The following DPP6 variants were observed in gnomAD, a reference collection of about 807,000 sequenced individuals.
The protein encoded by DPP6 is dipeptidyl peptidase like 6, also known as A-type potassium channel modulatory protein DPP6.
DPP6 carries 69 observed loss-of-function variants against 122.6 expected under a neutral mutation model. The observed-to-expected ratio is 0.56, with a 90% confidence interval of 0.46 to 0.69. The LOEUF is 0.69. DPP6 is among the 30% of genes least tolerant of loss of function. The pLI, the probability that DPP6 is intolerant of heterozygous loss-of-function variation, is 0.00. For synonymous variants in DPP6, 418 were observed against 433.1 expected, an observed-to-expected ratio of 0.97 and a Z score of 0.43; for missense variants, 928 against 1,116.9, an observed-to-expected ratio of 0.83 and a Z score of 2.41.
rs188120646 is a variant in DPP6, at chr7:154,289,146, G to A, written c.244-157068G>A. 4.1e-4 allele frequency among the ~76,000 whole-genome samples: 63 copies of A among 152,330 alleles called. No individual in the cohort carries two copies. In the East Asian group the frequency reaches 0.012, roughly 28 times the overall value. On this transcript the variant is annotated intron_variant, in intron 1 of 25. Transcript: ENST00000377770. ...ACCATGAGAGAAGGGGGATGCTGGT[G>A]AAGGTAAAATGTTAGTGGAGAGGTA...
rs1168309332 is a variant in DPP6 at position 154,821,474 on chromosome 7, C to G, written c.1666+14362C>G. Among the ~76,000 whole-genome samples, 2 of 151,856 alleles carry G rather than the reference C, an allele frequency of 1.3e-5. No homozygotes were observed. The highest frequency in any genetic ancestry group is 2.4e-5 in the African/African-American group (1 of 41,326). The stretch of plus-strand genomic sequence containing the variant: ...GTAGGAAAATTAAAGTACTCTTAGC[C>G]TAGCATTCAAGGCTGCATACAATCT... On this transcript the variant is annotated intron_variant, in intron 16 of 25. Coordinates refer to ENST00000377770, the MANE Select transcript of DPP6 (RefSeq NM_130797.4). This position sits in a 1 kb window ranked among gnomAD's most constrained non-coding sequence, Gnocchi z 4.2.
At chr7:154,505,032 A>C (rs761419018) in intron 3 of DPP6, among the ~76,000 whole-genome samples, 40 of 152,142 alleles carry the variant, frequency 2.6e-4, no homozygotes, top group Non-Finnish European at 5.1e-4. Flanking sequence ...GAACTAGGAG[A>C]CTGTCTCTTG....
rs371560022 is a variant in DPP6 at position 154,189,117 on chromosome 7, T to G, written c.243+136054T>G. ...CCTGAAACCATTTTCTGCAGGTTGT[T>G]AGGAAGTAGGGAAGGCTATTTTAAA... On this transcript the variant is annotated intron_variant, in intron 1 of 25. Coordinates refer to ENST00000377770, the MANE Select transcript of DPP6 (RefSeq NM_130797.4). Among the ~76,000 whole-genome samples the G allele has an allele frequency of 1.6e-4, 25 of 152,294 alleles. No individual in the cohort carries two copies. In the East Asian group the frequency reaches 4.3e-3, roughly 26 times the overall value.
intron 1 of DPP6, chr7:154,305,335 T>TTGGGG: frequency 6.4e-5 from 66 of 1,024,348 alleles, no homozygotes; most frequent in South Asian, 9.1e-5. Context: ...TCGTCTTGTC[T>TTGGGG]ACCCACCCTC....
intron 5 of DPP6, among the ~76,000 whole-genome samples, chr7:154,578,227 A>G (rs1831811194): frequency 6.6e-6 from 1 of 152,228 alleles, no homozygotes; most frequent in Admixed American, 6.5e-5. Context: ...TGTCATTGTC[A>G]AAAGTTTATG....
At chr7:153,972,273 G>A (rs1796060003) in intron 1 of DPP6, among the ~76,000 whole-genome samples, 1 of 150,312 alleles carries the variant, frequency 6.7e-6, no homozygotes, top group African/African-American at 2.4e-5. Context: ...TTCTGGGGTT[G>A]ATGTTTCTCC....
intron 18 of DPP6, 135 bp from the exon 19 acceptor site, chr7:154,872,489 G>C (rs1189290688): frequency 7.3e-7 from 1 of 1,375,616 alleles, no homozygotes; most frequent in Non-Finnish European, 9.7e-7. Flanking sequence ...GAAAACCCTG[G>C]GCCAGTCTCT....
the DPP6 span, among the ~76,000 whole-genome samples, chr7:153,756,326 T>C: frequency 4.6e-5 from 7 of 151,430 alleles, 1 homozygote; most frequent in African/African-American, 7.3e-5. Flanking sequence ...AGAGGTAATT[T>C]CATTTAGTCC....
At chr7:154,318,677 G>A (rs1040531113) in intron 1 of DPP6, among the ~76,000 whole-genome samples, 2 of 152,246 alleles carry the variant, frequency 1.3e-5, no homozygotes, top group African/African-American at 4.8e-5. Context: ...AGTTTGGAAT[G>A]CAGAGCTGGG....
chr7:154,758,768 G>A (rs1415941838), intron 8 of DPP6, among the ~76,000 whole-genome samples: 2 of 152,150 alleles, frequency 1.3e-5, no homozygotes, highest in African/African-American at 2.4e-5. Flanking sequence ...GTTTTGTTTT[G>A]TTTGTAAGAA....
rs1437893808 is a variant in DPP6, at chr7:154,060,407, A to AG, written c.243+7345dup. ...CACTGGCTCTTAGGACCCCCATCGC[A>AG]GAGGGGGGAGGCACCCCCCGCGAGG... On this transcript the variant is annotated intron_variant, in intron 1 of 25. Transcript: ENST00000377770. Among the ~76,000 whole-genome samples, 139 of 112,198 alleles carry AG rather than the reference A, an allele frequency of 1.2e-3. 11 individuals are homozygous for AG. The highest frequency in any genetic ancestry group is 4.8e-3 in the African/African-American group (128 of 26,456). The allele number at this position is 112,198 out of a possible 152,430, so 73.6% of individuals were successfully genotyped here.
In DPP6 at chr7:154,524,715, T is replaced by G. The variant is rs1429838499; in HGVS notation, c.458-15817T>G. Among the ~76,000 whole-genome samples the G allele has an allele frequency of 5.5e-4, 84 of 152,110 alleles. 1 individual carries two copies. The highest frequency in any genetic ancestry group is 5.5e-3 in the Admixed American group (84 of 15,272). On this transcript the variant is annotated intron_variant, in intron 3 of 25. Coordinates refer to ENST00000377770, the MANE Select transcript of DPP6 (RefSeq NM_130797.4). ...CCAGCCCGCTTCTACTTACTGATAT[T>G]CCATTGCCCAATTCTAGTCCTGTGT... is the stretch of plus-strand genomic sequence containing the variant.
intron 8 of DPP6, among the ~76,000 whole-genome samples, chr7:154,749,893 A>C (rs1370595383): frequency 7.7e-6 from 1 of 129,904 alleles, no homozygotes; most frequent in Non-Finnish European, 1.6e-5. Context: ...GAGAGAGCAT[A>C]GGATGGGAAA....
At chr7:154,608,127 G>A (rs1215971894) in intron 5 of DPP6, among the ~76,000 whole-genome samples, 1 of 149,002 alleles carries the variant, frequency 6.7e-6, no homozygotes, top group Non-Finnish European at 1.5e-5. Flanking sequence ...TTACAGGCAT[G>A]TGCCACCACA....
chr7:153,791,425 T>TTTTTTTTC, the DPP6 span, among the ~76,000 whole-genome samples: 1 of 13,104 alleles, frequency 7.6e-5, no homozygotes, highest in South Asian at 2.1e-3. Context: ...CCTTCCTTTC[T>TTTTTTTTC]TTTTTTTTTT....
At chr7:154,808,985 G>A (rs1587209641) in intron 16 of DPP6, among the ~76,000 whole-genome samples, 1 of 152,304 alleles carries the variant, frequency 6.6e-6, no homozygotes, top group South Asian at 2.1e-4. Context: ...TGCCAGAGGG[G>A]CTTGGTCTGG....
At chr7:153,838,190 G>A in the DPP6 span, among the ~76,000 whole-genome samples, 1 of 152,106 alleles carries the variant, frequency 6.6e-6, no homozygotes, top group Non-Finnish European at 1.5e-5. Context: ...ACCAGAACCA[G>A]GAATCCCATG....
chr7:154,185,894 A>T (rs943442771), intron 1 of DPP6, among the ~76,000 whole-genome samples: 3 of 152,222 alleles, frequency 2.0e-5, no homozygotes, highest in African/African-American at 7.2e-5. Flanking sequence ...TGCCTTTCCA[A>T]ATTAAAGCAT....
At chr7:153,777,435 A>G in the DPP6 span, among the ~76,000 whole-genome samples, 1 of 137,624 alleles carries the variant, frequency 7.3e-6, no homozygotes, top group Non-Finnish European at 1.5e-5. Context: ...AAACCTGTAC[A>G]GGAACATTTA....
Sources: allele counts gnomAD v4.1 joint callset (sites outside exome capture counted in the v4.1 genomes callset), GRCh38; gene constraint gnomAD v4.1.1; non-coding constraint Gnocchi (gnomAD v3.1); transcripts MANE v1.5; gene names NCBI Gene and HGNC (gene_info 2026-07-23, HGNC 2026-07-21).